SVOP: variants seen among roughly 807,000 people sequenced by gnomAD.
SVOP encodes the protein SV2 related protein.
In SVOP, 17 loss-of-function variants were observed where a neutral mutation model predicts 69.1. The ratio of observed to expected loss-of-function variants is 0.25; its 90% CI spans 0.17 to 0.37. SVOP has a LOEUF of 0.37. Among genes scored for constraint, SVOP ranks in the 10% least tolerant of loss-of-function variants. SVOP has a pLI of 1.00. For missense variants in SVOP, 435 were observed against 597.5 expected (o/e 0.73, Z 2.84); for synonymous variants, 238 against 238.6 (o/e 1.00, Z 0.02).
In SVOP at chr12:108,917,999, C is replaced by T. The variant is rs774252225; in HGVS notation, c.1350+44G>A. On this transcript the variant is annotated intron_variant, in intron 14 of 15. Transcript: ENST00000610966. The stretch of plus-strand genomic sequence containing the variant: ...CAGAGCATCCCCCACAGCCACTCTC[C>T]CCCCACTGCCCGTTCCCCAGCAGCT... 3.0e-5 allele frequency: 44 copies of T among 1,467,006 alleles called. No homozygotes were observed. The Admixed American group carries it at 4.9e-4, about 16-fold the overall frequency. 90.9% of individuals were successfully genotyped at this position (1,467,006 alleles called of 1,614,324 possible). A position where few individuals can be genotyped will look rare whatever the true frequency, so the allele number is the denominator to read the frequency against.
At chr12:108,990,563 A>G (rs1240311628) in intron 1 of SVOP, among the ~76,000 whole-genome samples, 1 of 151,906 alleles carries the variant, frequency 6.6e-6, no homozygotes, top group Admixed American at 6.6e-5. Context: ...AATGTAAATG[A>G]CGAGTTAATA....
In SVOP at chr12:109,016,818, T is replaced by C. The variant is rs541707354; in HGVS notation, c.35+4016A>G. ...AGTGCAGTGTCATGATCATGGCTCA[T>C]TGCAGCCTTGAACCCCCAGGCTCAA... On this transcript the variant is annotated intron_variant, in intron 1 of 15. Coordinates refer to ENST00000610966, the MANE Select transcript of SVOP (RefSeq NM_018711.5). Among the ~76,000 whole-genome samples the C allele has an allele frequency of 5.9e-5, 9 of 151,548 alleles. 2 individuals carry two copies. In the South Asian group the frequency reaches 1.9e-3, roughly 32 times the overall value.
intron 12 of SVOP, among the ~76,000 whole-genome samples, chr12:108,920,389 G>A (rs1370094107): frequency 6.6e-6 from 1 of 152,100 alleles, no homozygotes; most frequent in Non-Finnish European, 1.5e-5. Context: ...CTGAATCCAG[G>A]GAACAGGATG....
At chr12:108,968,095 G>A (rs2040055672) in intron 5 of SVOP, among the ~76,000 whole-genome samples, 3 of 152,214 alleles carry the variant, frequency 2.0e-5, no homozygotes, top group Admixed American at 2.0e-4. Flanking sequence ...TCATCAGGCA[G>A]TTGCTGCTCT....
At chr12:109,010,569 A>T (rs143152065) in intron 1 of SVOP, among the ~76,000 whole-genome samples, 9 of 152,304 alleles carry the variant, frequency 5.9e-5, no homozygotes, top group Non-Finnish European at 1.2e-4. Context: ...GCTGGAGTGC[A>T]GTGGTGCAAT....
At chr12:109,004,897 C>G (rs1566067562) in intron 1 of SVOP, among the ~76,000 whole-genome samples, 1 of 151,774 alleles carries the variant, frequency 6.6e-6, no homozygotes, top group Non-Finnish European at 1.5e-5. Flanking sequence ...ACCACCATGC[C>G]TAGCTAAGTT....
chr12:108,908,705 G>T lies in SVOP; in HGVS notation c.*3830C>A, dbSNP rs924821818. 4 of 152,122 alleles carry T rather than the reference G, an allele frequency of 2.6e-5. No individual in the cohort carries two copies. Among genetic ancestry groups the T allele is most frequent in the Non-Finnish European group, 5.9e-5 (4 of 68,032 alleles). The allele number at this position is 152,122 out of a possible 1,614,324, so 9.4% of individuals were successfully genotyped here. On this transcript the variant is annotated 3_prime_UTR_variant, in exon 16 of 16. Coordinates refer to ENST00000610966, the MANE Select transcript of SVOP (RefSeq NM_018711.5). ...GAGTAGAATTTCTGTTCCTGGCCAC[G>T]AAAACAGTGCTGATGAGAGCTCTGT...
At position 108,912,350 on chromosome 12, in the gene SVOP, T is replaced by C. The variant is rs2039689430; in HGVS notation, c.*185A>G. ...CAGAGAACCCCCTAGAGCAAACATC[T>C]CCCCATCCCTGGGTGGACCTCAATG... On this transcript the variant is annotated 3_prime_UTR_variant, in exon 16 of 16. Coordinates refer to ENST00000610966, the MANE Select transcript of SVOP (RefSeq NM_018711.5). 6.9e-6 allele frequency: 10 copies of C among 1,453,000 alleles called. No individual in the cohort carries two copies. The highest frequency in any genetic ancestry group is 2.8e-5 in the African/African-American group (2 of 70,190). The allele number at this position is 1,453,000 out of a possible 1,614,324, so 90.0% of individuals were successfully genotyped here. A position where few individuals can be genotyped will look rare whatever the true frequency, so the allele number is the denominator to read the frequency against.
chr12:108,982,804 C>A (rs1045937454), intron 2 of SVOP, among the ~76,000 whole-genome samples: 8 of 145,808 alleles, frequency 5.5e-5, no homozygotes, highest in Admixed American at 2.0e-4. Context: ...TCATCATCAC[C>A]ATCATCATCA....
chr12:108,934,383 C>T (rs1022501689), intron 10 of SVOP, 112 bp from the exon 11 acceptor site: 2 of 842,060 alleles, frequency 2.4e-6, no homozygotes, highest in African/African-American at 3.4e-5. Context: ...AGTCTTTGGG[C>T]TTCACTGGGA....
chr12:109,021,000 C>A lies in SVOP; in HGVS notation c.-132G>T, dbSNP rs929040597. On this transcript the variant is annotated 5_prime_UTR_variant, in exon 1 of 16. Transcript: ENST00000610966. ...CTTCCTCCCTGGAGCAGCAGCTGTT[C>A]GGGGAGGGAGCCGCTGGGGACCAGC... The A allele has an allele frequency of 1.0e-4, 60 of 589,398 alleles. No individual in the cohort carries two copies. Among genetic ancestry groups the A allele is most frequent in the Non-Finnish European group, 1.6e-4 (52 of 323,712 alleles). 36.5% of individuals were successfully genotyped at this position (589,398 alleles called of 1,614,324 possible).
chr12:108,955,746 C>CTTCAGCAGA (rs1286384538), intron 6 of SVOP, among the ~76,000 whole-genome samples: 1 of 152,210 alleles, frequency 6.6e-6, no homozygotes, highest in Admixed American at 6.5e-5. Context: ...TTGCCAAAGC[C>CTTCAGCAGA]TTCAGCAGAT....
chr12:108,924,951 G>A (rs1053251733), intron 11 of SVOP, among the ~76,000 whole-genome samples: 4 of 151,898 alleles, frequency 2.6e-5, no homozygotes, highest in Admixed American at 2.0e-4. Context: ...CCTAGAGAGA[G>A]TCAGGCCCAC....
chr12:109,017,098 C>G (rs1445673243), intron 1 of SVOP, among the ~76,000 whole-genome samples: 2 of 152,026 alleles, frequency 1.3e-5, no homozygotes, highest in Non-Finnish European at 2.9e-5. Context: ...ACCAGGGGTC[C>G]CCAATCCCTG....
intron 2 of SVOP, among the ~76,000 whole-genome samples, chr12:108,981,360 C>G (rs2040134339): frequency 6.6e-6 from 1 of 152,200 alleles, no homozygotes; most frequent in Admixed American, 6.5e-5. Flanking sequence ...AGCTTCCCTC[C>G]ATCCCCTGTC....
chr12:108,972,555 G>A, intron 4 of SVOP, 79 bp from the exon 5 acceptor site: 1 of 1,387,732 alleles, frequency 7.2e-7, no homozygotes, highest in Non-Finnish European at 9.9e-7. Context: ...CGGAAGTGGT[G>A]ACGTCACCCT....
At chr12:108,962,155 G>A (rs1434195848) in intron 5 of SVOP, among the ~76,000 whole-genome samples, 1 of 152,152 alleles carries the variant, frequency 6.6e-6, no homozygotes, top group African/African-American at 2.4e-5. Context: ...CTAGAGTGCA[G>A]TGGTGCAATC....
intron 15 of SVOP, among the ~76,000 whole-genome samples, chr12:108,914,707 C>A (rs2039703232): frequency 6.6e-6 from 1 of 151,776 alleles, no homozygotes; most frequent in Admixed American, 6.6e-5. Flanking sequence ...CAGGCACCTG[C>A]CACCACACCT....
At chr12:108,939,016 T>A in intron 8 of SVOP, 61 bp from the exon 9 acceptor site, 1 of 1,610,780 alleles carries the variant, frequency 6.2e-7, no homozygotes, top group Non-Finnish European at 8.5e-7. Context: ...GAGCACTCGC[T>A]TCTAGCCACA....
Sources: allele counts gnomAD v4.1 joint callset (sites outside exome capture counted in the v4.1 genomes callset), GRCh38; gene constraint gnomAD v4.1.1; transcripts MANE v1.5; gene names NCBI Gene and HGNC (gene_info 2026-07-23, HGNC 2026-07-21).